Variants in AVEN observed in about 807,000 individuals in gnomAD.
AVEN encodes apoptosis and caspase activation inhibitor.
A neutral mutation model predicts 38.1 loss-of-function variants in AVEN; 41 were observed. That is an observed-to-expected ratio of 1.08 (90% CI 0.84 to 1.40). AVEN has a LOEUF of 1.40. Ranked by LOEUF, AVEN falls within the 40% of genes most tolerant of loss-of-function variation. The probability of loss-of-function intolerance (pLI) is 0.00; values close to 1 mark genes in which losing one functional copy is unlikely to be tolerated. For missense variants in AVEN, 605 were observed against 438.8 expected (o/e 1.38, Z -3.38); for synonymous variants, 206 against 171.8 (o/e 1.20, Z -1.56).
chr15:33,940,518 GTTGAAATGTCT>G (rs1215350836), intron 2 of AVEN, among the ~76,000 whole-genome samples: 2 of 152,140 alleles, frequency 1.3e-5, no homozygotes, highest in African/African-American at 4.8e-5. Flanking sequence ...ATAAAGTTTA[GTTGAAATGTCT>G]TTGCAAGATG....
intron 2 of AVEN, among the ~76,000 whole-genome samples, chr15:33,888,912 CAGCTAA>C (rs1891821924): frequency 6.6e-6 from 1 of 152,008 alleles, no homozygotes; most frequent in African/African-American, 2.4e-5. Flanking sequence ...CCACCACGCC[CAGCTAA>C]AGTTGGCCAG....
intron 2 of AVEN, among the ~76,000 whole-genome samples, chr15:33,931,349 C>CTT (rs71119903): frequency 5.6e-5 from 5 of 89,274 alleles, no homozygotes; most frequent in South Asian, 3.8e-4. Flanking sequence ...TGAATATTTT[C>CTT]TTTTTTTTTT....
upstream of AVEN, among the ~76,000 whole-genome samples, chr15:34,040,690 G>T (rs548248333): frequency 2.8e-4 from 43 of 152,082 alleles, no homozygotes; most frequent in African/African-American, 1.0e-3. Context: ...CATTTTGGGA[G>T]GCTGTGGCGG....
chr15:33,999,435 A>T (rs1766815486), intron 2 of AVEN, among the ~76,000 whole-genome samples: 1 of 152,124 alleles, frequency 6.6e-6, no homozygotes, highest in Non-Finnish European at 1.5e-5. Flanking sequence ...TGTGCCAGCC[A>T]TTTATTAAGG....
chr15:33,973,263 G>T (rs570029950), intron 2 of AVEN, among the ~76,000 whole-genome samples: 1 of 152,146 alleles, frequency 6.6e-6, no homozygotes, highest in Non-Finnish European at 1.5e-5. Flanking sequence ...AGCCAGAGAT[G>T]ATTTCCAGTT....
upstream of AVEN, among the ~76,000 whole-genome samples, chr15:34,040,716 CAT>C (rs1275478652): frequency 6.6e-6 from 1 of 151,988 alleles, no homozygotes; most frequent in Admixed American, 6.6e-5. Flanking sequence ...TTGCCTGAGA[CAT>C]GAGTTCAAGA....
At chr15:34,060,889 GC>G (rs1055829523) in intron 5 of AVEN, among the ~76,000 whole-genome samples, 2 of 152,008 alleles carry the variant, frequency 1.3e-5, no homozygotes, top group Admixed American at 1.3e-4. Context: ...GGTGGCAGGC[GC>G]CTGTAGTCCC....
intron 1 of AVEN, among the ~76,000 whole-genome samples, chr15:34,035,083 A>G (rs533795127): frequency 4.0e-4 from 61 of 152,326 alleles, no homozygotes; most frequent in African/African-American, 1.5e-3. Context: ...ATAGAAAATT[A>G]GAGATTTCCT....
At chr15:33,868,487 G>C (rs542127436) in intron 4 of AVEN, among the ~76,000 whole-genome samples, 1 of 137,292 alleles carries the variant, frequency 7.3e-6, no homozygotes, top group Non-Finnish European at 1.5e-5. Flanking sequence ...GGAGCTTGCA[G>C]TAAGCTGAGA....
intron 4 of AVEN, chr15:34,064,586 C>T: frequency 2.2e-6 from 1 of 453,936 alleles, no homozygotes; most frequent in Non-Finnish European, 4.0e-6. Flanking sequence ...CATGGCCCTT[C>T]ACAAGAGGAA....
At chr15:33,895,876 G>A (rs1892214177) in intron 2 of AVEN, among the ~76,000 whole-genome samples, 2 of 152,160 alleles carry the variant, frequency 1.3e-5, no homozygotes. Context: ...CCATGATGGA[G>A]GCTAGGGATC....
At chr15:33,949,273 G>T (rs553673933) in intron 2 of AVEN, among the ~76,000 whole-genome samples, 2 of 152,084 alleles carry the variant, frequency 1.3e-5, no homozygotes, top group African/African-American at 4.8e-5. Context: ...TGATCCGCCC[G>T]CCTCAGCCTC....
intron 1 of AVEN, among the ~76,000 whole-genome samples, chr15:34,021,792 T>A (rs1597361322): frequency 6.6e-6 from 1 of 151,908 alleles, no homozygotes; most frequent in Admixed American, 6.6e-5. Flanking sequence ...GAGGTGGAGG[T>A]TGCAGTGAGC....
chr15:34,009,957 G>A (rs1320865327), intron 1 of AVEN, among the ~76,000 whole-genome samples: 1 of 152,042 alleles, frequency 6.6e-6, no homozygotes, highest in East Asian at 1.9e-4. Context: ...GTGAAACCCT[G>A]TCTCTTAAAA....
At chr15:33,931,349 C>CTTTTTTTTTTTT (rs71119903) in intron 2 of AVEN, among the ~76,000 whole-genome samples, 4 of 89,274 alleles carry the variant, frequency 4.5e-5, no homozygotes, top group Admixed American at 1.3e-4. Flanking sequence ...TGAATATTTT[C>CTTTTTTTTTTTT]TTTTTTTTTT....
intron 2 of AVEN, among the ~76,000 whole-genome samples, chr15:33,993,470 G>A (rs893174249): frequency 3.3e-5 from 5 of 152,144 alleles, no homozygotes; most frequent in East Asian, 1.9e-4. Context: ...GGCAATGCCC[G>A]TGTGGCACAA....
downstream of AVEN, among the ~76,000 whole-genome samples, chr15:33,864,474 TAAG>T (rs1889739757): frequency 6.6e-6 from 1 of 151,902 alleles, no homozygotes; most frequent in Non-Finnish European, 1.5e-5. Context: ...TGTCTGACAA[TAAG>T]AAATGGAGTG....
the AVEN span, chr15:33,852,760 T>C: frequency 3.1e-6 from 1 of 323,752 alleles, no homozygotes; most frequent in Non-Finnish European, 5.8e-6. Context: ...CAACTGTCTC[T>C]GTCTAATCTG....
At chr15:33,964,017 G>A (rs1454265756) in intron 2 of AVEN, among the ~76,000 whole-genome samples, 2 of 151,716 alleles carry the variant, frequency 1.3e-5, no homozygotes, top group Admixed American at 1.3e-4. Context: ...ATGTGATGTG[G>A]GTGTGCCTAA....
Sources: allele counts gnomAD v4.1 joint callset (sites outside exome capture counted in the v4.1 genomes callset), GRCh38; gene constraint gnomAD v4.1.1; transcripts MANE v1.5; gene names NCBI Gene and HGNC (gene_info 2026-07-23, HGNC 2026-07-21).